LARP1B: variants seen among roughly 807,000 people sequenced by gnomAD.
LARP1B encodes La ribonucleoprotein 1B, also known as la-related protein 1B.
A neutral mutation model predicts 114.2 loss-of-function variants in LARP1B; 76 were observed. The ratio of observed to expected loss-of-function variants is 0.67; its 90% confidence interval spans 0.55 to 0.81. The LOEUF (loss-of-function observed/expected upper bound fraction) is 0.81, where lower values mean the gene tolerates loss of function less well. LARP1B is among the 30% of genes least tolerant of loss of function. LARP1B has a pLI of 0.00. For missense variants in LARP1B, 1,014 were observed against 1,075.8 expected, an observed-to-expected ratio of 0.94 and a Z score of 0.80; for synonymous variants, 345 against 348.0, an observed-to-expected ratio of 0.99 and a Z score of 0.10.
rs758769605 is a variant in LARP1B at position 128,176,940 on chromosome 4, A to G, written c.1684+33A>G. On this transcript the variant is annotated intron_variant, in intron 13 of 19. Coordinates refer to ENST00000326639, the MANE Select transcript of LARP1B (RefSeq NM_018078.4). ...CTGTGGTGGGTATTAAAGGGAGGCT[A>G]TGATATCCTTTGCATTGGGTATACA... 1.5e-5 allele frequency: 24 copies of G among 1,595,520 alleles called. No individual in the cohort carries two copies. The Admixed American group carries it at 1.7e-4, about 11-fold the overall frequency.
At chr4:128,110,557 G>A in intron 9 of LARP1B, among the ~76,000 whole-genome samples, 1 of 146,820 alleles carries the variant, frequency 6.8e-6, no homozygotes. Flanking sequence ...GGCGCCTGTA[G>A]TCCCAGCTAC....
chr4:128,201,120 A>G (rs1000984571), intron 17 of LARP1B, among the ~76,000 whole-genome samples: 2 of 152,184 alleles, frequency 1.3e-5, no homozygotes, highest in African/African-American at 4.8e-5. Flanking sequence ...AGGGCATTTT[A>G]CAATACGGTT....
intron 19 of LARP1B, among the ~76,000 whole-genome samples, chr4:128,209,446 CA>C (rs201104285): frequency 1.3e-5 from 2 of 151,234 alleles, no homozygotes; most frequent in Non-Finnish European, 3.0e-5. Context: ...AACAAGCAAA[CA>C]AAAAAAACAC....
intron 11 of LARP1B, among the ~76,000 whole-genome samples, chr4:128,147,290 T>C (rs1160224959): frequency 6.6e-6 from 1 of 152,216 alleles, no homozygotes; most frequent in Non-Finnish European, 1.5e-5. Flanking sequence ...GTTTCTTTGC[T>C]CAGATTTCTG....
At position 128,084,084 on chromosome 4, in the gene LARP1B, G is replaced by A. The variant is rs191229719; in HGVS notation, c.358+1779G>A. On this transcript the variant is annotated intron_variant, in intron 5 of 19. Transcript: ENST00000326639. ...GATGGGATGGTTGCCGGGAAGAGGC[G>A]CTCCTCACTTCCTAGATGGGATGGC... Among the ~76,000 whole-genome samples, 741 of 151,744 alleles carry A rather than the reference G, an allele frequency of 4.9e-3. 3 individuals carry two copies. Among genetic ancestry groups the A allele is most frequent in the African/African-American group, 0.017 (698 of 41,322 alleles).
chr4:128,217,036 A>C (rs2150982963), intron 6 of LARP1B, among the ~76,000 whole-genome samples: 1 of 151,268 alleles, frequency 6.6e-6, no homozygotes, highest in South Asian at 2.1e-4. Flanking sequence ...TAAACTAGAA[A>C]ATCTAGAAGA....
chr4:128,178,827 T>C (rs1747337484), intron 14 of LARP1B, among the ~76,000 whole-genome samples, 185 bp downstream of exon 14: 1 of 152,160 alleles, frequency 6.6e-6, no homozygotes, highest in South Asian at 2.1e-4. Context: ...GGCACGGTGG[T>C]TTATGCCTGT....
At chr4:128,098,736 T>C (rs1362155089) in intron 8 of LARP1B, among the ~76,000 whole-genome samples, 1 of 41,470 alleles carries the variant, frequency 2.4e-5, no homozygotes, top group Non-Finnish European at 5.5e-5. Flanking sequence ...TGTGTTCCTG[T>C]ATATGTATGT....
chr4:128,184,469 G>A (rs912470366), intron 15 of LARP1B, among the ~76,000 whole-genome samples: 19 of 152,214 alleles, frequency 1.2e-4, no homozygotes, highest in African/African-American at 3.1e-4. Context: ...TTTTGGGGGT[G>A]CATGTGATAT....
rs1031615255 is a variant in LARP1B, at chr4:128,107,650, TCTAAAAAGGTCTTATA to T, written c.988+340_988+355del. On this transcript the variant is annotated intron_variant, in intron 9 of 19. Transcript: ENST00000326639. Reference sequence around the variant, plus strand: ...AATTGGAATAGTATGATTGGATTATTCTAAAAAGGTCTTATACTCAAGAGTGGGGTAGTCTTCCTTT... The same window carrying T: ...AATTGGAATAGTATGATTGGATTATTCTCAAGAGTGGGGTAGTCTTCCTTT... The T allele has an allele frequency of 8.5e-6, 12 of 1,419,834 alleles. No individual in the cohort carries two copies. In the Admixed American group the frequency reaches 3.7e-4, roughly 44 times the overall value. 88.0% of individuals were successfully genotyped at this position (1,419,834 alleles called of 1,614,324 possible). A position where few individuals can be genotyped will look rare whatever the true frequency, so the allele number is the denominator to read the frequency against.
At chr4:128,179,926 T>C (rs1471165950) in intron 15 of LARP1B, among the ~76,000 whole-genome samples, 2 of 152,162 alleles carry the variant, frequency 1.3e-5, no homozygotes, top group Non-Finnish European at 2.9e-5. Flanking sequence ...TTTTCCCCCT[T>C]TTTTGAAAAT....
intron 11 of LARP1B, among the ~76,000 whole-genome samples, chr4:128,139,520 CTT>C (rs1243979734): frequency 2.0e-5 from 3 of 151,304 alleles, no homozygotes. Flanking sequence ...AGGCCCATCT[CTT>C]AAAATAGAAG....
At chr4:128,130,918 A>G (rs1161562179) in intron 11 of LARP1B, among the ~76,000 whole-genome samples, 2 of 152,232 alleles carry the variant, frequency 1.3e-5, no homozygotes, top group African/African-American at 4.8e-5. Flanking sequence ...TTGGGTGAAA[A>G]AAGCCTATTT....
intron 11 of LARP1B, among the ~76,000 whole-genome samples, chr4:128,152,913 T>G (rs1252231715): frequency 3.3e-5 from 5 of 151,716 alleles, no homozygotes; most frequent in Non-Finnish European, 7.4e-5. Context: ...TTTTTAATTG[T>G]GATAAAACAC....
At chr4:128,072,555 A>G (rs1765792360) in intron 1 of LARP1B, among the ~76,000 whole-genome samples, 1 of 151,570 alleles carries the variant, frequency 6.6e-6, no homozygotes, top group African/African-American at 2.4e-5. Flanking sequence ...ATCTGTACGT[A>G]TATATAATTT....
At chr4:128,217,910 A>C (rs1270920672) in intron 6 of LARP1B, among the ~76,000 whole-genome samples, 88 of 142,866 alleles carry the variant, frequency 6.2e-4, no homozygotes, top group Middle Eastern at 3.6e-3. Context: ...GTCTCAGCCC[A>C]AAATCTCCTT....
At chr4:128,193,916 CCT>C (rs1753131337) in intron 15 of LARP1B, among the ~76,000 whole-genome samples, 1 of 152,162 alleles carries the variant, frequency 6.6e-6, no homozygotes, top group Non-Finnish European at 1.5e-5. Flanking sequence ...CTGCGCTTGG[CCT>C]CTTACTCCTT....
In LARP1B at chr4:128,210,031, A is replaced by G. The variant is rs530846819; in HGVS notation, c.2723A>G (p.Glu908Gly). 8 of 1,614,066 alleles carry G rather than the reference A, an allele frequency of 5.0e-6. No homozygotes were observed. The African/African-American group carries it at 8.0e-5, about 16-fold the overall frequency. The change falls in exon 20 of 20, where the codon GAG (glutamate) becomes GGG (glycine). Residue 908 changes from glutamate to glycine, a missense_variant. Coordinates refer to ENST00000326639, the MANE Select transcript of LARP1B (RefSeq NM_018078.4). ...INSPRRNISP[E>G]SSDNSH ...TCTCCCAGAAGGAATATTTCACCGG[A>G]GTCCAGTGACAATTCACATTAAACA... is the stretch of plus-strand genomic sequence containing the variant.
intron 9 of LARP1B, among the ~76,000 whole-genome samples, chr4:128,112,834 T>G (rs1444973861): frequency 2.0e-5 from 3 of 152,122 alleles, no homozygotes; most frequent in Non-Finnish European, 4.4e-5. Context: ...CAATATATAG[T>G]CTTTTATAAA....
Sources: allele counts gnomAD v4.1 joint callset (sites outside exome capture counted in the v4.1 genomes callset), GRCh38; gene constraint gnomAD v4.1.1; transcripts MANE v1.5; gene names NCBI Gene and HGNC (gene_info 2026-07-23, HGNC 2026-07-21).